The following MAGI2 variants were observed in gnomAD, a reference collection of about 807,000 sequenced individuals.
MAGI2 encodes the protein membrane associated guanylate kinase, WW and PDZ domain containing 2.
MAGI2 carries 35 observed loss-of-function variants against 133.3 expected under a neutral mutation model. The observed-to-expected ratio is 0.26, with a 90% confidence interval of 0.20 to 0.35. The LOEUF is 0.35. Among genes scored for constraint, MAGI2 ranks in the 10% least tolerant of loss-of-function variants. The pLI is 1.00. For missense variants in MAGI2, 1,636 were observed against 1,863.4 expected, an observed-to-expected ratio of 0.88 and a Z score of 2.25; for synonymous variants, 729 against 710.6, an observed-to-expected ratio of 1.03 and a Z score of -0.41.
chr7:78,061,488 G>A (rs1032602739), intron 21 of MAGI2, among the ~76,000 whole-genome samples: 1 of 151,668 alleles, frequency 6.6e-6, no homozygotes, highest in Non-Finnish European at 1.5e-5. Flanking sequence ...GTAGTTTTGA[G>A]CCAACCAGGA....
chr7:78,123,191 T>G (rs1390800457), intron 20 of MAGI2, among the ~76,000 whole-genome samples: 2 of 152,162 alleles, frequency 1.3e-5, no homozygotes, highest in African/African-American at 4.8e-5. Context: ...CTATTCAACT[T>G]TTAATACATC....
In MAGI2 at chr7:78,482,889, A is replaced by C. The variant is rs7804780; in HGVS notation, c.1045+6872T>G. ...TCATCACATGGAACTACACACACAC[A>C]CACACACACACACACACACACACAC... On this transcript the variant is annotated intron_variant, in intron 6 of 21. Transcript: ENST00000354212. Among the ~76,000 whole-genome samples the C allele has an allele frequency of 8.0e-3, 422 of 52,806 alleles. 3 individuals are homozygous for C. The highest frequency in any genetic ancestry group is 0.043 in the African/African-American group (402 of 9,290). The allele number at this position is 52,806 out of a possible 152,430, so 34.6% of individuals were successfully genotyped here.
intron 1 of MAGI2, among the ~76,000 whole-genome samples, chr7:79,448,888 C>T (rs981713677): frequency 6.6e-6 from 1 of 151,998 alleles, no homozygotes; most frequent in Non-Finnish European, 1.5e-5. Context: ...ATTTAACATT[C>T]GAGGTCATAC....
At chr7:79,053,268 C>G (rs760740577) in intron 1 of MAGI2, among the ~76,000 whole-genome samples, 1 of 152,110 alleles carries the variant, frequency 6.6e-6, no homozygotes, top group Non-Finnish European at 1.5e-5. Flanking sequence ...CCACCCCACC[C>G]GGCTGCTATT....
intron 2 of MAGI2, among the ~76,000 whole-genome samples, chr7:78,674,476 G>A (rs1455590653): frequency 4.8e-5 from 7 of 147,166 alleles, no homozygotes; most frequent in Admixed American, 2.0e-4. Context: ...AAATCAGGCA[G>A]CTAAAAAAAA....
intron 6 of MAGI2, among the ~76,000 whole-genome samples, chr7:78,481,976 G>T (rs1176417208): frequency 1.3e-5 from 2 of 151,834 alleles, no homozygotes; most frequent in East Asian, 3.9e-4. Context: ...AATACAAACT[G>T]CAGACTTGGA....
chr7:78,923,834 T>C (rs1799461872), intron 2 of MAGI2, among the ~76,000 whole-genome samples: 1 of 152,198 alleles, frequency 6.6e-6, no homozygotes, highest in African/African-American at 2.4e-5. Flanking sequence ...GACCATGGAA[T>C]GTTCTTCCAT....
intron 1 of MAGI2, among the ~76,000 whole-genome samples, chr7:79,426,844 G>C (rs10248584): frequency 0.19 from 29,101 of 151,966 alleles, 3,857 homozygotes; most frequent in African/African-American, 0.38. Context: ...ACCTTGATTT[G>C]AACTGCCTTC....
At chr7:79,127,120 G>A (rs1820485677) in intron 1 of MAGI2, among the ~76,000 whole-genome samples, 1 of 152,100 alleles carries the variant, frequency 6.6e-6, no homozygotes, top group East Asian at 1.9e-4. Flanking sequence ...TCCCTACAAA[G>A]GACATGAACT....
intron 9 of MAGI2, among the ~76,000 whole-genome samples, chr7:78,280,048 C>T (rs751954340): frequency 1.1e-4 from 16 of 152,096 alleles, no homozygotes; most frequent in East Asian, 3.9e-4. Context: ...GCAAGTTTGC[C>T]GCCTTCAGAG....
At chr7:78,393,578 A>G (rs1796090450) in intron 6 of MAGI2, among the ~76,000 whole-genome samples, 1 of 152,202 alleles carries the variant, frequency 6.6e-6, no homozygotes, top group Non-Finnish European at 1.5e-5. Flanking sequence ...TTCATAAATC[A>G]AGCAGAATCC....
intron 1 of MAGI2, among the ~76,000 whole-genome samples, chr7:79,317,024 T>C (rs570724557): frequency 1.2e-4 from 17 of 139,414 alleles, no homozygotes; most frequent in East Asian, 5.9e-4. Flanking sequence ...TTTTTCTTTT[T>C]TTTTTTTTTT....
chr7:78,352,979 T>C (rs557527921), intron 7 of MAGI2: 3 of 152,290 alleles, frequency 2.0e-5, no homozygotes, highest in Admixed American at 6.5e-5. Context: ...ACAAGGTACA[T>C]AGATTCAACT....
intron 2 of MAGI2, among the ~76,000 whole-genome samples, chr7:78,841,298 C>T (rs1039637819): frequency 1.3e-5 from 2 of 152,050 alleles, no homozygotes; most frequent in African/African-American, 4.8e-5. Flanking sequence ...GTGATGTCTC[C>T]CAAACATGTG....
At chr7:78,276,089 C>T (rs556863257) in intron 9 of MAGI2, among the ~76,000 whole-genome samples, 1 of 152,228 alleles carries the variant, frequency 6.6e-6, no homozygotes, top group African/African-American at 2.4e-5. Flanking sequence ...TCTAGGGAAG[C>T]AAGAGATCTA....
At position 78,486,708 on chromosome 7, in the gene MAGI2, G is replaced by T. The variant is rs191501729; in HGVS notation, c.1045+3053C>A. 2.1e-3 allele frequency: 845 copies of T among 400,786 alleles called. 6 individuals carry two copies. Among genetic ancestry groups the T allele is most frequent in the Non-Finnish European group, 2.2e-3 (447 of 205,420 alleles). 24.8% of individuals were successfully genotyped at this position (400,786 alleles called of 1,614,324 possible). A position where few individuals can be genotyped will look rare whatever the true frequency, so the allele number is the denominator to read the frequency against. On this transcript the variant is annotated intron_variant, in intron 6 of 21. Transcript: ENST00000354212. ...GATGGTTCCAACTGGAGTCCAGCAAGGTAGGGACTCGGTGGTTTGGAAAAT... is the reference window on the plus strand; with the variant it reads ...GATGGTTCCAACTGGAGTCCAGCAATGTAGGGACTCGGTGGTTTGGAAAAT...
At chr7:79,277,061 A>G (rs757862668) in intron 1 of MAGI2, among the ~76,000 whole-genome samples, 1 of 152,176 alleles carries the variant, frequency 6.6e-6, no homozygotes, top group African/African-American at 2.4e-5. Flanking sequence ...AAGAAGTTCT[A>G]CTGTAGGTAA....
chr7:78,220,030 T>C (rs1296178203), intron 10 of MAGI2, among the ~76,000 whole-genome samples: 1 of 151,880 alleles, frequency 6.6e-6, no homozygotes, highest in Non-Finnish European at 1.5e-5. Flanking sequence ...CAGAATGGAG[T>C]CCAAACTCCT....
chr7:78,968,514 T>C (rs981853685), intron 2 of MAGI2, among the ~76,000 whole-genome samples: 4 of 151,990 alleles, frequency 2.6e-5, no homozygotes, highest in African/African-American at 9.7e-5. Context: ...GATGTTACTA[T>C]AATGGGATTG....
Sources: allele counts gnomAD v4.1 joint callset (sites outside exome capture counted in the v4.1 genomes callset), GRCh38; gene constraint gnomAD v4.1.1; transcripts MANE v1.5; gene names NCBI Gene and HGNC (gene_info 2026-07-23, HGNC 2026-07-21).